ZNF250: variants seen among roughly 807,000 people sequenced by gnomAD.
ZNF250 encodes zinc finger protein (clone 647).
A neutral mutation model predicts 37.1 loss-of-function variants in ZNF250; 13 were observed. The observed-to-expected ratio is 0.35, with a 90% CI of 0.23 to 0.56. The LOEUF (loss-of-function observed/expected upper bound fraction) is 0.56. ZNF250 is among the 20% of genes least tolerant of loss of function. ZNF250 has a pLI of 0.87. For missense variants in ZNF250, 474 were observed against 697.9 expected, an observed-to-expected ratio of 0.68 and a Z score of 3.61; for synonymous variants, 251 against 265.6, an observed-to-expected ratio of 0.94 and a Z score of 0.54.
chr8:144,885,858 C>A (rs1831838550), intron 5 of ZNF250, among the ~76,000 whole-genome samples: 1 of 152,104 alleles, frequency 6.6e-6, no homozygotes, highest in African/African-American at 2.4e-5. Flanking sequence ...GTAATCCCAG[C>A]ACTTCGGGAG....
At chr8:144,899,768 T>C (rs1234523053) in intron 1 of ZNF250, among the ~76,000 whole-genome samples, 1 of 152,198 alleles carries the variant, frequency 6.6e-6, no homozygotes, top group Non-Finnish European at 1.5e-5. Flanking sequence ...GAAATGGCTA[T>C]GATTTAGAGG....
rs1006010002 is a variant in ZNF250, at chr8:144,877,767, G to GA, written c.*3747dup. On this transcript the variant is annotated 3_prime_UTR_variant, in exon 6 of 6. Coordinates refer to ENST00000417550, the MANE Select transcript of ZNF250 (RefSeq NM_001109689.4). ...TATTAAGCTCATTTTAAGAATGCAGGAAAAAAACTATACTTTTTGGAAGGA... is the reference window on the plus strand; with the variant it reads ...TATTAAGCTCATTTTAAGAATGCAGGAAAAAAAACTATACTTTTTGGAAGGA... 2.6e-5 allele frequency: 4 copies of GA among 152,244 alleles called. No individual in the cohort carries two copies. The highest frequency in any genetic ancestry group is 2.1e-4 in the South Asian group (1 of 4,820). The allele number at this position is 152,244 out of a possible 1,614,324, so 9.4% of individuals were successfully genotyped here.
Position 144,880,764 on chromosome 8 carries a change from T to C in ZNF250, c.*751A>G. 3.6e-6 allele frequency: 1 copy of C among 280,718 alleles called. No homozygotes were observed. Among genetic ancestry groups the C allele is most frequent in the Non-Finnish European group, 7.3e-6 (1 of 137,046 alleles). The allele number at this position is 280,718 out of a possible 1,614,324, so 17.4% of individuals were successfully genotyped here. On this transcript the variant is annotated 3_prime_UTR_variant, in exon 6 of 6. Coordinates refer to ENST00000417550, the MANE Select transcript of ZNF250 (RefSeq NM_001109689.4). ...CTATAATCCTAGTTACTTGGGAGAC[T>C]GAGGCACAAGAAAAGCTTGAACCTG... is the stretch of plus-strand genomic sequence containing the variant.
chr8:144,889,797 C>T lies in ZNF250; in HGVS notation c.170-103G>A, dbSNP rs535865923. The T allele has an allele frequency of 4.8e-6, 7 of 1,451,466 alleles. No individual in the cohort carries two copies. The Admixed American group carries it at 1.5e-4, about 32-fold the overall frequency. The allele number at this position is 1,451,466 out of a possible 1,614,324, so 89.9% of individuals were successfully genotyped here. On this transcript the variant is annotated intron_variant, in intron 3 of 5. Transcript: ENST00000417550. Reference sequence around the variant, plus strand: ...CATGAAAATGGACAGGACTGATCTTCTGCTGGAGCTGAGCACCCAGAGAGG... The same window carrying T: ...CATGAAAATGGACAGGACTGATCTTTTGCTGGAGCTGAGCACCCAGAGAGG...
At chr8:144,886,941 C>T (rs1414047156) in intron 4 of ZNF250, 39 bp from the exon 5 acceptor site, 1 of 1,592,340 alleles carries the variant, frequency 6.3e-7, no homozygotes, top group Non-Finnish European at 8.6e-7. Context: ...CAACAAAATA[C>T]TCCCTTCAAG....
Position 144,889,582 on chromosome 8 carries a change from TGAG to T in ZNF250, c.279_281del (p.Tyr93_Ser94delinsTer). On this transcript the variant is annotated stop_gained and inframe_deletion and splice_region_variant, in exon 4 of 6. Coordinates refer to ENST00000417550, the MANE Select transcript of ZNF250 (RefSeq NM_001109689.4). LOFTEE classifies it high-confidence loss of function. ...GAGGGGCCAGCTCTCCTCACTCACC[TGAG>T]TAGTCACTCCACAGGCCCTGGCTCT... 6.2e-7 allele frequency: 1 copy of T among 1,613,244 alleles called. No homozygotes were observed. The highest frequency in any genetic ancestry group is 1.7e-4 in the Middle Eastern group (1 of 6,058).
At chr8:144,898,203 A>T (rs1042716493) in intron 1 of ZNF250, among the ~76,000 whole-genome samples, 8 of 152,196 alleles carry the variant, frequency 5.3e-5, no homozygotes, top group Non-Finnish European at 1.2e-4. Context: ...AGGCTGAGGC[A>T]TGAGAATTGC....
Position 144,890,064 on chromosome 8 carries a change from A to G in ZNF250, c.43-5T>C. The G allele has an allele frequency of 6.2e-7, 1 of 1,611,876 alleles. No homozygotes were observed. The highest frequency in any genetic ancestry group is 8.5e-7 in the Non-Finnish European group (1 of 1,178,960). ...ATCCTCGAAGGTCAGCTTGGCCTGG[A>G]ACGACAGGGGCTGCTGCAGGTAAAA... On this transcript the variant is annotated splice_polypyrimidine_tract_variant and splice_region_variant and intron_variant, in intron 2 of 5. Transcript: ENST00000417550. The surrounding 1 kb of genome is among the most constrained non-coding windows in gnomAD (Gnocchi z 5.1).
At chr8:144,887,336 G>A (rs1054254241) in intron 4 of ZNF250, among the ~76,000 whole-genome samples, 8 of 149,714 alleles carry the variant, frequency 5.3e-5, no homozygotes, top group Admixed American at 2.0e-4. Context: ...GTTACAAACA[G>A]CAGGGTCAGG....
Position 144,886,898 on chromosome 8 carries a change from G to C in ZNF250, c.288C>G (p.Asn96Lys). Reference protein sequence around the residue: ...SQGLWSDYSDNLKYDHTTACT... With the variant: ...SQGLWSDYSDKLKYDHTTACT... ...AGGCTGTAGTGTGGTCATATTTGAG[G>C]TTGTCTGGAAAAAAAACAGCGAGTT... The change falls in exon 5 of 6, where the codon AAC becomes AAG. Residue 96 changes from asparagine (N) to lysine (K), a missense_variant. Around this residue, in one of 2 missense-constraint regions of ZNF250, gnomAD observed 192 missense variants for 227.5 expected, o/e 0.84. Coordinates refer to ENST00000417550, the MANE Select transcript of ZNF250 (RefSeq NM_001109689.4). 6.2e-7 allele frequency: 1 copy of C among 1,613,270 alleles called. No individual in the cohort carries two copies. The highest frequency in any genetic ancestry group is 1.1e-5 in the South Asian group (1 of 91,072).
intron 1 of ZNF250, among the ~76,000 whole-genome samples, chr8:144,892,823 G>A (rs1832437820): frequency 1.3e-5 from 2 of 150,718 alleles, no homozygotes; most frequent in South Asian, 4.2e-4. Flanking sequence ...CTCCCAAAGT[G>A]CTGGGATTAC....
chr8:144,881,638 T>C lies in ZNF250; in HGVS notation c.1545A>G (p.Ser515=). 6.2e-7 allele frequency: 1 copy of C among 1,613,514 alleles called. No homozygotes were observed. The highest frequency in any genetic ancestry group is 1.3e-5 in the African/African-American group (1 of 74,880). ...NSCGKAFSQY[S]VLIQHQRIHT... ...GGATCCGCTGGTGCTGGATGAGCAC[T>C]GAGTACTGGCTGAAGGCCTTCCCGC... Residue 515 remains serine (S), a synonymous_variant, in exon 6 of 6, where the codon TCA becomes TCG. Coordinates refer to ENST00000417550, the MANE Select transcript of ZNF250 (RefSeq NM_001109689.4).
At chr8:144,894,680 C>T (rs775013940) in intron 1 of ZNF250, among the ~76,000 whole-genome samples, 9 of 151,052 alleles carry the variant, frequency 6.0e-5, no homozygotes, top group Non-Finnish European at 7.4e-5. Flanking sequence ...TTCTTAGAGA[C>T]GGGGTCTCAC....
At chr8:144,900,265 C>A (rs1329365830) in intron 1 of ZNF250, among the ~76,000 whole-genome samples, 1 of 152,160 alleles carries the variant, frequency 6.6e-6, no homozygotes, top group Non-Finnish European at 1.5e-5. Context: ...GTAGAGACCA[C>A]CGGACAGAGA....
intron 1 of ZNF250, among the ~76,000 whole-genome samples, chr8:144,894,743 C>T (rs1019325128): frequency 2.6e-5 from 4 of 152,056 alleles, no homozygotes; most frequent in African/African-American, 9.7e-5. Context: ...ATGCAGCCTC[C>T]AACTCCTGGG....
intron 1 of ZNF250, among the ~76,000 whole-genome samples, chr8:144,893,353 C>T (rs987754040): frequency 2.0e-5 from 3 of 152,068 alleles, no homozygotes; most frequent in African/African-American, 7.2e-5. Flanking sequence ...TATTTTGAAA[C>T]AGAATCTCGC....
rs182667704 is a variant in ZNF250, at chr8:144,886,334, A to C, written c.346+506T>G. On this transcript the variant is annotated intron_variant, in intron 5 of 5. Transcript: ENST00000417550. The stretch of plus-strand genomic sequence containing the variant: ...CTGCACTCCAGCCTGAAAAAAAGAA[A>C]ACACACACACACACTAAACTAACTG... Among the ~76,000 whole-genome samples, 3 of 152,056 alleles carry C rather than the reference A, an allele frequency of 2.0e-5. No individual in the cohort carries two copies. The East Asian group carries it at 5.8e-4, about 29-fold the overall frequency.
At chr8:144,885,473 G>GT (rs1017676175) in intron 5 of ZNF250, among the ~76,000 whole-genome samples, 28 of 150,242 alleles carry the variant, frequency 1.9e-4, no homozygotes, top group African/African-American at 2.9e-4. Flanking sequence ...CTCTATGTGG[G>GT]TTTTTTTTTG....
At chr8:144,898,358 A>C (rs1199824434) in intron 1 of ZNF250, among the ~76,000 whole-genome samples, 1 of 152,294 alleles carries the variant, frequency 6.6e-6, no homozygotes, top group East Asian at 1.9e-4. Context: ...AAACAAAAAA[A>C]CAACCAAACT....
Sources: allele counts gnomAD v4.1 joint callset (sites outside exome capture counted in the v4.1 genomes callset), GRCh38; gene constraint gnomAD v4.1.1; regional missense constraint gnomAD v4.1.1; non-coding constraint Gnocchi (gnomAD v3.1); transcripts MANE v1.5; gene names NCBI Gene and HGNC (gene_info 2026-07-23, HGNC 2026-07-21).